The following FUT8 variants were observed in gnomAD, a reference collection of about 807,000 sequenced individuals.
FUT8 encodes alpha-(1,6)-fucosyltransferase.
A neutral mutation model predicts 71.3 loss-of-function variants in FUT8; 29 were observed. The ratio of observed to expected loss-of-function variants is 0.41; its 90% confidence interval spans 0.30 to 0.55. FUT8 has a LOEUF of 0.55. Ranked by LOEUF, FUT8 falls within the 20% of genes least tolerant of loss-of-function variation. The probability of loss-of-function intolerance (pLI) is 0.34; values close to 1 mark genes in which losing one functional copy is unlikely to be tolerated. For missense variants in FUT8, 544 were observed against 702.1 expected, an observed-to-expected ratio of 0.77 and a Z score of 2.55; for synonymous variants, 254 against 239.3, an observed-to-expected ratio of 1.06 and a Z score of -0.57.
chr14:65,424,539 C>CTTTTTTTTTTTTTTTTTTTTTTTTTTTTT (rs796843891), intron 1 of FUT8, among the ~76,000 whole-genome samples: 4 of 125,420 alleles, frequency 3.2e-5, no homozygotes, highest in Admixed American at 8.0e-5. Flanking sequence ...CTTTTCTTTT[C>CTTTTTTTTTTTTTTTTTTTTTTTTTTTTT]TTTTTTTTTT....
intron 7 of FUT8, among the ~76,000 whole-genome samples, chr14:65,691,518 G>T (rs1893589500): frequency 6.9e-6 from 1 of 144,922 alleles, no homozygotes; most frequent in East Asian, 1.9e-4. Context: ...TGATTTGATG[G>T]ACTATCTTGA....
intron 2 of FUT8, among the ~76,000 whole-genome samples, chr14:65,466,975 TG>T (rs1252451083): frequency 1.3e-5 from 2 of 152,240 alleles, no homozygotes; most frequent in African/African-American, 4.8e-5. Flanking sequence ...AATATATTGT[TG>T]CTATTATTAT....
chr14:65,704,668 A>G (rs1435700363), intron 7 of FUT8, among the ~76,000 whole-genome samples: 1 of 152,238 alleles, frequency 6.6e-6, no homozygotes, highest in Non-Finnish European at 1.5e-5. Flanking sequence ...TGTAGTCTGC[A>G]ACTTCTTGGC....
At position 65,643,648 on chromosome 14, in the gene FUT8, C is replaced by T. The variant is rs575100777; in HGVS notation, c.597+14042C>T. 3.5e-5 allele frequency among the ~76,000 whole-genome samples: 4 copies of T among 113,484 alleles called. No individual in the cohort carries two copies. The highest frequency in any genetic ancestry group is 9.9e-5 in the African/African-American group (3 of 30,400). The allele number at this position is 113,484 out of a possible 152,430, so 74.4% of individuals were successfully genotyped here. ...CAGCCTGGGCGACAGAGCGAGACTCCGTCTTTAAAAAAAAAATACACACAC... is the reference window on the plus strand; with the variant it reads ...CAGCCTGGGCGACAGAGCGAGACTCTGTCTTTAAAAAAAAAATACACACAC... On this transcript the variant is annotated intron_variant, in intron 6 of 10. Transcript: ENST00000673929. The surrounding 1 kb of genome is among the most constrained non-coding windows in gnomAD (Gnocchi z 4.5).
chr14:65,440,345 G>GTT (rs559865972), intron 1 of FUT8, among the ~76,000 whole-genome samples: 9 of 142,996 alleles, frequency 6.3e-5, no homozygotes, highest in African/African-American at 2.0e-4. Flanking sequence ...TTAGAAAGTA[G>GTT]TTTTTTTTTT....
intron 1 of FUT8, among the ~76,000 whole-genome samples, chr14:65,437,383 T>A (rs1347694161): frequency 6.6e-6 from 1 of 152,202 alleles, no homozygotes; most frequent in Non-Finnish European, 1.5e-5. Flanking sequence ...AGCTGTTTAG[T>A]ATTGTTTTTA....
intron 7 of FUT8, among the ~76,000 whole-genome samples, chr14:65,700,888 G>A (rs1432946647): frequency 1.3e-5 from 2 of 152,124 alleles, no homozygotes; most frequent in Non-Finnish European, 2.9e-5. Context: ...AAAATGATTT[G>A]TCTTCTTTAT....
chr14:65,611,195 ACACGCGCGCGCGCGCGCG>A (rs1243208965), intron 3 of FUT8, among the ~76,000 whole-genome samples: 886 of 14,282 alleles, frequency 0.062, 76 homozygotes, highest in Non-Finnish European at 0.1. Context: ...ACACACACAC[ACACGCGCGCGCGCGCGCG>A]CGCGCGCGCG....
intron 2 of FUT8, among the ~76,000 whole-genome samples, chr14:65,535,904 G>T (rs1884272661): frequency 6.6e-6 from 1 of 152,110 alleles, no homozygotes; most frequent in East Asian, 1.9e-4. Context: ...CTGTTATTGT[G>T]TGGGAGTCTA....
intron 2 of FUT8, among the ~76,000 whole-genome samples, chr14:65,493,682 GC>G (rs886835535): frequency 4.6e-5 from 7 of 152,002 alleles, no homozygotes; most frequent in African/African-American, 1.7e-4. Flanking sequence ...ACAATAATTT[GC>G]CCAGCAAAAG....
At chr14:65,546,636 C>T (rs901602511) in intron 2 of FUT8, among the ~76,000 whole-genome samples, 1 of 151,758 alleles carries the variant, frequency 6.6e-6, no homozygotes, top group Admixed American at 6.6e-5. Context: ...TATGAATACT[C>T]ATGTACTAGT....
intron 2 of FUT8, among the ~76,000 whole-genome samples, chr14:65,482,334 T>C (rs1284163085): frequency 6.6e-6 from 1 of 152,146 alleles, no homozygotes; most frequent in African/African-American, 2.4e-5. Flanking sequence ...GTCTTTCTTT[T>C]TTTTTTGTCT....
intron 1 of FUT8, among the ~76,000 whole-genome samples, chr14:65,435,129 C>G (rs1471769834): frequency 6.6e-6 from 1 of 152,208 alleles, no homozygotes; most frequent in Non-Finnish European, 1.5e-5. Context: ...CACAGATGCT[C>G]AGGTCCCTTA....
At chr14:65,481,155 G>A (rs1232864903) in intron 2 of FUT8, among the ~76,000 whole-genome samples, 1 of 152,006 alleles carries the variant, frequency 6.6e-6, no homozygotes, top group Non-Finnish European at 1.5e-5. Context: ...ATCTTAATGG[G>A]TGTGAAGTGG....
At chr14:65,468,061 T>C (rs2066073103) in intron 2 of FUT8, 1 of 656,050 alleles carries the variant, frequency 1.5e-6, no homozygotes, top group Non-Finnish European at 2.8e-6. Context: ...ACTTGTTTGT[T>C]GACAAGTTGT....
intron 2 of FUT8, among the ~76,000 whole-genome samples, chr14:65,501,346 A>T (rs1038467126): frequency 2.0e-5 from 3 of 152,246 alleles, no homozygotes; most frequent in African/African-American, 4.8e-5. Context: ...TGCAGGAATT[A>T]GCCACTATTC....
At chr14:65,381,793 CTCT>C in the FUT8 span, among the ~76,000 whole-genome samples, 87 of 152,276 alleles carry the variant, frequency 5.7e-4, no homozygotes, top group African/African-American at 2.0e-3. Flanking sequence ...TCTTCGTTCT[CTCT>C]TCTTTATCTC....
At chr14:65,598,457 G>T (rs1851164557) in intron 3 of FUT8, among the ~76,000 whole-genome samples, 1 of 152,146 alleles carries the variant, frequency 6.6e-6, no homozygotes, top group South Asian at 2.1e-4. Context: ...TCCTGACCTT[G>T]TGATCCACCC....
intron 7 of FUT8, among the ~76,000 whole-genome samples, chr14:65,701,616 C>G (rs1894299810): frequency 6.6e-6 from 1 of 152,136 alleles, no homozygotes; most frequent in Admixed American, 6.5e-5. Flanking sequence ...GATAAGCTGT[C>G]TTTAGCTATT....
Sources: gnomAD v4.1 joint callset for allele counts (sites outside exome capture counted in the v4.1 genomes callset) on GRCh38, gnomAD v4.1.1 for gene constraint, Gnocchi (gnomAD v3.1) non-coding constraint, MANE v1.5 for transcripts, NCBI Gene and HGNC (gene_info 2026-07-23, HGNC 2026-07-21) for gene names.